The following MYO18B variants were observed in gnomAD, a reference collection of about 807,000 sequenced individuals.
MYO18B encodes the protein myosin XVIIIB.
In MYO18B, 204 loss-of-function variants were observed where a neutral mutation model predicts 273.0. That is an observed-to-expected ratio of 0.75 (90% CI 0.67 to 0.84). The LOEUF (loss-of-function observed/expected upper bound fraction) is 0.84. Among genes scored for constraint, MYO18B ranks in the 40% least tolerant of loss-of-function variants. The pLI is 0.00. For missense variants in MYO18B, 3,212 were observed against 3,287.6 expected (o/e 0.98, Z 0.56); for synonymous variants, 1,330 against 1,305.7 (o/e 1.02, Z -0.40).
chr22:25,851,598 A>G lies in MYO18B; in HGVS notation c.3885+19A>G. On this transcript the variant is annotated intron_variant, in intron 21 of 43. Transcript: ENST00000335473. The stretch of plus-strand genomic sequence containing the variant: ...AAGGAAGGTAGGTGGAGCACATGCG[A>G]GAGGGGTGAAGGCCCTAGATATGGA... The G allele has an allele frequency of 6.7e-7, 1 of 1,487,946 alleles. No homozygotes were observed. The highest frequency in any genetic ancestry group is 9.2e-7 in the Non-Finnish European group (1 of 1,088,404). 92.2% of individuals were successfully genotyped at this position (1,487,946 alleles called of 1,614,324 possible). A position where few individuals can be genotyped will look rare whatever the true frequency, so the allele number is the denominator to read the frequency against.
intron 12 of MYO18B, among the ~76,000 whole-genome samples, chr22:25,803,247 G>T (rs1480051152): frequency 6.6e-6 from 1 of 152,198 alleles, no homozygotes; most frequent in Non-Finnish European, 1.5e-5. Context: ...ACAGGCGTGA[G>T]CCACCACGCC....
intron 34 of MYO18B, among the ~76,000 whole-genome samples, chr22:25,945,428 ACTGAATGGGCTTCAGCAAGGATTTG>A (rs1329880902): frequency 3.3e-4 from 50 of 152,040 alleles, no homozygotes; most frequent in African/African-American, 1.2e-3. Context: ...AGTGCCTGGC[ACTGAATGGGCTTCAGCAAGGATTTG>A]CTGAATGGAA....
chr22:25,938,694 C>A (rs1201851961), intron 34 of MYO18B, among the ~76,000 whole-genome samples: 1 of 152,226 alleles, frequency 6.6e-6, no homozygotes, highest in Non-Finnish European at 1.5e-5. Context: ...AAATATTGAT[C>A]CTCCTATGGG....
intron 42 of MYO18B, among the ~76,000 whole-genome samples, chr22:26,011,168 T>C (rs12485167): frequency 0.12 from 18,384 of 151,268 alleles, 1,164 homozygotes; most frequent in South Asian, 0.17. Flanking sequence ...CTGTCTTCTA[T>C]GTTGGTTTCC....
rs148341394 is a variant in MYO18B, at chr22:25,908,915, T to C, written c.5259+483T>C. On this transcript the variant is annotated intron_variant, in intron 32 of 43. Coordinates refer to ENST00000335473, the MANE Select transcript of MYO18B (RefSeq NM_032608.7). ...TTTTATAGCTCTCTTTCACTCTCTG[T>C]ACACACATGCAGATTTGCAGAGATA... is the stretch of plus-strand genomic sequence containing the variant. Among the ~76,000 whole-genome samples, 190 of 152,368 alleles carry C rather than the reference T, an allele frequency of 1.2e-3. 1 individual carries two copies. The highest frequency in any genetic ancestry group is 4.2e-3 in the African/African-American group (176 of 41,588).
At chr22:25,976,494 G>A (rs994169589) in intron 39 of MYO18B, among the ~76,000 whole-genome samples, 3 of 152,182 alleles carry the variant, frequency 2.0e-5, no homozygotes. Context: ...ATATCCTTGT[G>A]CCACAGCAGA....
chr22:25,856,269 G>A (rs773937056), intron 21 of MYO18B, among the ~76,000 whole-genome samples: 2 of 152,126 alleles, frequency 1.3e-5, no homozygotes, highest in Non-Finnish European at 2.9e-5. Context: ...ATGTGGTTTT[G>A]ATTTGCATTT....
rs140940906 is a variant in MYO18B, at chr22:25,932,570, G to T, written c.5517+11161G>T. ...ATTATAGGCATGCGTCACCATGCCC[G>T]GCTAATTTTTTGTATTTTTAGTAGA... On this transcript the variant is annotated intron_variant, in intron 34 of 43. Transcript: ENST00000335473. 5.8e-4 allele frequency among the ~76,000 whole-genome samples: 88 copies of T among 151,834 alleles called. No individual in the cohort carries two copies. In the South Asian group the frequency reaches 0.018, roughly 31 times the overall value.
chr22:25,915,316 A>C (rs1006780726), intron 33 of MYO18B, among the ~76,000 whole-genome samples: 3 of 152,204 alleles, frequency 2.0e-5, no homozygotes, highest in African/African-American at 7.2e-5. Context: ...GAGTGCACTC[A>C]CACAAACCTA....
chr22:26,016,291 G>A (rs1192615355), intron 42 of MYO18B, among the ~76,000 whole-genome samples: 3 of 152,172 alleles, frequency 2.0e-5, no homozygotes, highest in Non-Finnish European at 4.4e-5. Flanking sequence ...GCCAGTACTT[G>A]CACCATCTCA....
rs905460604 is a variant in MYO18B at position 25,883,772 on chromosome 22, A to G, written c.4314+5724A>G. ...GTCTCGTCAGTGAAAACTCCATTTGACTAGGCTTATTAAAAAGACATCACT... is the reference window on the plus strand; with the variant it reads ...GTCTCGTCAGTGAAAACTCCATTTGGCTAGGCTTATTAAAAAGACATCACT... On this transcript the variant is annotated intron_variant, in intron 25 of 43. Coordinates refer to ENST00000335473, the MANE Select transcript of MYO18B (RefSeq NM_032608.7). This position sits in a 1 kb window ranked among gnomAD's most constrained non-coding sequence, Gnocchi z 7.6. 6.6e-6 allele frequency: 1 copy of G among 152,180 alleles called. No individual in the cohort carries two copies. 9.4% of individuals were successfully genotyped at this position (152,180 alleles called of 1,614,324 possible). A position where few individuals can be genotyped will look rare whatever the true frequency, so the allele number is the denominator to read the frequency against.
At chr22:25,928,827 C>A (rs2146489096) in intron 34 of MYO18B, among the ~76,000 whole-genome samples, 1 of 152,110 alleles carries the variant, frequency 6.6e-6, no homozygotes, top group African/African-American at 2.4e-5. Flanking sequence ...GAACACTGGA[C>A]CATGGATTTG....
intron 13 of MYO18B, among the ~76,000 whole-genome samples, chr22:25,825,492 A>C (rs527587687): frequency 4.7e-4 from 71 of 152,306 alleles, no homozygotes; most frequent in African/African-American, 1.7e-3. Context: ...TGTTCAATGC[A>C]CCCTAATCAA....
chr22:26,031,201 C>T (rs1268246665), downstream of MYO18B, among the ~76,000 whole-genome samples: 1 of 152,206 alleles, frequency 6.6e-6, no homozygotes, highest in East Asian at 1.9e-4. Flanking sequence ...TTCCCACTAG[C>T]ATAGACTCCA....
At chr22:25,822,185 A>G (rs1186600794) in intron 12 of MYO18B, among the ~76,000 whole-genome samples, 4 of 152,278 alleles carry the variant, frequency 2.6e-5, no homozygotes, top group South Asian at 4.1e-4. Flanking sequence ...TTAACACACC[A>G]TGCTCATTTC....
chr22:26,034,097 C>T (rs572287150), downstream of MYO18B, among the ~76,000 whole-genome samples: 65 of 152,204 alleles, frequency 4.3e-4, no homozygotes, highest in Non-Finnish European at 6.9e-4. Context: ...GGATTACAGG[C>T]GCCCGCCACC....
chr22:25,927,233 G>A (rs12628837), intron 34 of MYO18B, among the ~76,000 whole-genome samples: 58,725 of 151,778 alleles, frequency 0.39, 13,113 homozygotes, highest in East Asian at 0.51. Context: ...TGAGCCGGGC[G>A]GAACAGAGCC....
At chr22:25,894,406 A>G (rs1231412143) in intron 27 of MYO18B, among the ~76,000 whole-genome samples, 1 of 152,218 alleles carries the variant, frequency 6.6e-6, no homozygotes, top group Non-Finnish European at 1.5e-5. Context: ...CCACAACTTC[A>G]TTAACTTAAT....
chr22:25,815,400 C>T (rs369245589), intron 12 of MYO18B, among the ~76,000 whole-genome samples: 9 of 152,344 alleles, frequency 5.9e-5, no homozygotes, highest in African/African-American at 1.7e-4. Context: ...GTCTCCCTGA[C>T]AACTCTGCTC....
Sources: gnomAD v4.1 joint callset for allele counts (sites outside exome capture counted in the v4.1 genomes callset) on GRCh38, gnomAD v4.1.1 for gene constraint, Gnocchi (gnomAD v3.1) non-coding constraint, MANE v1.5 for transcripts, NCBI Gene and HGNC (gene_info 2026-07-23, HGNC 2026-07-21) for gene names.